The following LIMK2 variants were observed in gnomAD, a reference collection of about 807,000 sequenced individuals.
The protein encoded by LIMK2 is LIM domain kinase 2.
A neutral mutation model predicts 75.7 loss-of-function variants in LIMK2; 35 were observed. The ratio of observed to expected loss-of-function variants is 0.46; its 90% CI spans 0.35 to 0.61. LIMK2 has a LOEUF of 0.61. LIMK2 is among the 20% of genes least tolerant of loss of function. The probability of loss-of-function intolerance (pLI) is 0.00; values close to 1 mark genes in which losing one functional copy is unlikely to be tolerated. For missense variants in LIMK2, 623 were observed against 831.0 expected (o/e 0.75, Z 3.08); for synonymous variants, 301 against 319.2 (o/e 0.94, Z 0.61).
chr22:31,275,389 C>A, intron 15 of LIMK2, 81 bp downstream of exon 15: 1 of 1,414,830 alleles, frequency 7.1e-7, no homozygotes, highest in Non-Finnish European at 9.8e-7. Flanking sequence ...GAGCCCTCTG[C>A]AAGCACAGGG....
chr22:31,220,454 G>C (rs1325698424), intron 1 of LIMK2, among the ~76,000 whole-genome samples: 3 of 152,190 alleles, frequency 2.0e-5, no homozygotes, highest in African/African-American at 7.2e-5. Context: ...CCAGGCCCAA[G>C]GTTAGGCCCT....
intron 2 of LIMK2, among the ~76,000 whole-genome samples, chr22:31,227,367 G>T (rs1300648282): frequency 6.6e-6 from 1 of 152,216 alleles, no homozygotes; most frequent in African/African-American, 2.4e-5. Flanking sequence ...CCAAGTAATT[G>T]AGTTGACCTT....
At chr22:31,264,516 G>A (rs912032891) in intron 7 of LIMK2, among the ~76,000 whole-genome samples, 3 of 152,280 alleles carry the variant, frequency 2.0e-5, no homozygotes, top group East Asian at 1.9e-4. Flanking sequence ...ATTATCGACC[G>A]CTTTTGAAAA....
At chr22:31,273,321 C>G in intron 13 of LIMK2, 131 bp from the exon 14 acceptor site, 2 of 787,920 alleles carry the variant, frequency 2.5e-6, no homozygotes, top group Non-Finnish European at 4.3e-6. Flanking sequence ...CTGCGCAGGA[C>G]AGCCTGTGGG....
At chr22:31,237,532 C>T (rs2048589543) in intron 2 of LIMK2, among the ~76,000 whole-genome samples, 1 of 151,268 alleles carries the variant, frequency 6.6e-6, no homozygotes, top group Non-Finnish European at 1.5e-5. Context: ...CCACTGCCCT[C>T]CAGTAGAGTG....
At chr22:31,268,646 T>TG (rs1025742708) in intron 11 of LIMK2, among the ~76,000 whole-genome samples, 1 of 152,160 alleles carries the variant, frequency 6.6e-6, no homozygotes, top group African/African-American at 2.4e-5. Context: ...AGCAAAGACC[T>TG]GGGAGGAAAG....
Position 31,255,978 on chromosome 22 carries a change from C to CTTTTTTTTT in LIMK2, c.117-2283_117-2275dup, listed in dbSNP as rs567250437. Among the ~76,000 whole-genome samples, 32 of 29,682 alleles carry CTTTTTTTTT rather than the reference C, an allele frequency of 1.1e-3. 11 individuals are homozygous for CTTTTTTTTT. Among genetic ancestry groups the CTTTTTTTTT allele is most frequent in the East Asian group, 3.4e-3 (3 of 878 alleles). 19.5% of individuals were successfully genotyped at this position (29,682 alleles called of 152,430 possible). ...ATACTGAGTTTCTACTATATTGGGT[C>CTTTTTTTTT]TTTTTTTTTTTTTTTTTTTTTTTTT... is the stretch of plus-strand genomic sequence containing the variant. On this transcript the variant is annotated intron_variant, in intron 2 of 15. Transcript: ENST00000331728.
At chr22:31,241,171 A>G (rs541591320) in intron 2 of LIMK2, among the ~76,000 whole-genome samples, 10 of 152,352 alleles carry the variant, frequency 6.6e-5, no homozygotes, top group African/African-American at 9.6e-5. Context: ...TTGATTTTCA[A>G]CAAGCTGACC....
intron 1 of LIMK2, among the ~76,000 whole-genome samples, chr22:31,219,043 G>C (rs2413041): frequency 6.6e-6 from 1 of 152,106 alleles, no homozygotes; most frequent in Non-Finnish European, 1.5e-5. Context: ...GACTGCATTG[G>C]CTCTGAGCTG....
chr22:31,248,678 G>A (rs1377800404), intron 2 of LIMK2: 1 of 1,614,100 alleles, frequency 6.2e-7, no homozygotes, highest in Admixed American at 1.7e-5. Flanking sequence ...GTCACAGACG[G>A]ATTTGCAGCT....
intron 5 of LIMK2, among the ~76,000 whole-genome samples, chr22:31,261,261 G>T (rs930124053): frequency 1.3e-5 from 2 of 151,936 alleles, no homozygotes; most frequent in African/African-American, 2.4e-5. Context: ...AAGAGTTTGG[G>T]ATTAGGCCAG....
chr22:31,263,676 C>CAAA (rs34111805), intron 7 of LIMK2, among the ~76,000 whole-genome samples: 2 of 144,270 alleles, frequency 1.4e-5, no homozygotes, highest in Non-Finnish European at 3.0e-5. Context: ...ACTGTCTCTA[C>CAAA]AAAAAAAAAA....
intron 1 of LIMK2, among the ~76,000 whole-genome samples, chr22:31,221,265 G>C (rs1290935843): frequency 1.3e-5 from 2 of 152,084 alleles, no homozygotes; most frequent in South Asian, 4.1e-4. Context: ...CTTTAATGAT[G>C]TGTGAGAAGT....
At chr22:31,267,566 A>G (rs942870001) in intron 9 of LIMK2, among the ~76,000 whole-genome samples, 8 of 152,158 alleles carry the variant, frequency 5.3e-5, no homozygotes, top group Admixed American at 2.0e-4. Context: ...AGTTCTCCCA[A>G]TGCAGTTCCA....
intron 2 of LIMK2, among the ~76,000 whole-genome samples, chr22:31,246,175 G>GCGCACACACACACACACACACACA (rs2048666248): frequency 1.3e-5 from 1 of 78,054 alleles, no homozygotes; most frequent in Non-Finnish European, 2.8e-5. Flanking sequence ...TCCGACACAC[G>GCGCACACACACACACACACACACA]CACGCACGCA....
chr22:31,275,607 TCCC>T, intron 15 of LIMK2: 2 of 310,026 alleles, frequency 6.5e-6, no homozygotes, highest in South Asian at 6.3e-5. Context: ...CTTTCGATAT[TCCC>T]CTGTCCATAT....
intron 13 of LIMK2, 28 bp downstream of exon 13, chr22:31,272,732 C>T (rs1020142299): frequency 1.9e-6 from 3 of 1,556,090 alleles, no homozygotes; most frequent in African/African-American, 1.4e-5. Context: ...GGAGGGGACA[C>T]CCGCAGAGGG....
At chr22:31,246,175 G>GCACACACA (rs1300039438) in intron 2 of LIMK2, among the ~76,000 whole-genome samples, 7 of 78,048 alleles carry the variant, frequency 9.0e-5, no homozygotes, top group Non-Finnish European at 2.0e-4. Context: ...TCCGACACAC[G>GCACACACA]CACGCACGCA....
chr22:31,220,986 G>T lies in LIMK2; in HGVS notation c.17-4734G>T, dbSNP rs368508557. Among the ~76,000 whole-genome samples the T allele has an allele frequency of 9.0e-3, 1,361 of 151,866 alleles. 18 individuals are homozygous for T. Among genetic ancestry groups the T allele is most frequent in the Middle Eastern group, 0.065 (19 of 294 alleles). ...TTTCAAAAAAAAAAATTTTTTTTTT[G>T]ATTAAGGGAAAAGATAGAGAAGCTT... On this transcript the variant is annotated intron_variant, in intron 1 of 15. Coordinates refer to ENST00000331728, the MANE Select transcript of LIMK2 (RefSeq NM_005569.4).
Sources: gnomAD v4.1 joint callset for allele counts (sites outside exome capture counted in the v4.1 genomes callset) on GRCh38, gnomAD v4.1.1 for gene constraint, MANE v1.5 for transcripts, NCBI Gene and HGNC (gene_info 2026-07-23, HGNC 2026-07-21) for gene names.